The following ARHGAP10 variants were observed in gnomAD, a reference collection of about 807,000 sequenced individuals.
The protein encoded by ARHGAP10 is Rho GTPase activating protein 10.
In ARHGAP10, 87 loss-of-function variants were observed where a neutral mutation model predicts 108.6. The observed-to-expected ratio is 0.80, with a 90% CI of 0.67 to 0.96. The LOEUF is 0.96. Ranked by LOEUF, ARHGAP10 falls within the 40% of genes least tolerant of loss-of-function variation. ARHGAP10 has a pLI of 0.00. For missense variants in ARHGAP10, 939 were observed against 954.5 expected (o/e 0.98, Z 0.21); for synonymous variants, 347 against 341.1 (o/e 1.02, Z -0.19).
intron 13 of ARHGAP10, among the ~76,000 whole-genome samples, chr4:147,927,955 G>A (rs527987254): frequency 9.4e-4 from 143 of 152,300 alleles, no homozygotes; most frequent in African/African-American, 3.3e-3. Context: ...TTTCCTCTAG[G>A]CCCTGTCTCG....
intron 18 of ARHGAP10, among the ~76,000 whole-genome samples, chr4:147,990,239 AG>A (rs1337618941): frequency 1.3e-5 from 2 of 152,226 alleles, no homozygotes; most frequent in East Asian, 3.8e-4. Flanking sequence ...GCATTTAGTT[AG>A]TGATAACCAG....
intron 15 of ARHGAP10, among the ~76,000 whole-genome samples, chr4:147,953,910 C>T (rs915099123): frequency 4.0e-5 from 6 of 151,846 alleles, no homozygotes; most frequent in African/African-American, 1.4e-4. Context: ...AAAATGTCAT[C>T]TTAGTACTGC....
intron 1 of ARHGAP10, among the ~76,000 whole-genome samples, chr4:147,763,219 T>C (rs1579013216): frequency 6.6e-6 from 1 of 152,290 alleles, no homozygotes; most frequent in Non-Finnish European, 1.5e-5. Flanking sequence ...TGATAATCTG[T>C]AAGTTTAGCT....
intron 4 of ARHGAP10, among the ~76,000 whole-genome samples, chr4:147,848,455 T>A (rs1000936859): frequency 2.0e-5 from 3 of 152,248 alleles, no homozygotes; most frequent in Non-Finnish European, 4.4e-5. Flanking sequence ...TTCTGCGACC[T>A]TGACTAAGTA....
At chr4:148,060,344 A>ACTTTTTTTTTTTTTTTTTTTTTTTTTT (rs1411745355) in intron 20 of ARHGAP10, among the ~76,000 whole-genome samples, 1 of 120,844 alleles carries the variant, frequency 8.3e-6, no homozygotes, top group African/African-American at 3.0e-5. Context: ...GCTCATGTTT[A>ACTTTTTTTTTTTTTTTTTTTTTTTTTT]GTTTTTTTTT....
At chr4:147,795,683 T>A (rs1055798719) in intron 1 of ARHGAP10, among the ~76,000 whole-genome samples, 10 of 151,562 alleles carry the variant, frequency 6.6e-5, no homozygotes, top group Admixed American at 2.0e-4. Context: ...TATTTTTTAT[T>A]TTTTTAATTT....
chr4:147,752,023 C>A (rs958132705), intron 1 of ARHGAP10, among the ~76,000 whole-genome samples: 2 of 151,614 alleles, frequency 1.3e-5, no homozygotes, highest in South Asian at 2.1e-4. Flanking sequence ...GTAGCTAGGA[C>A]TATAGGCGTG....
At chr4:147,827,260 A>T (rs1380179718) in intron 3 of ARHGAP10, among the ~76,000 whole-genome samples, 1 of 151,836 alleles carries the variant, frequency 6.6e-6, no homozygotes, top group African/African-American at 2.4e-5. Context: ...AACATAACTG[A>T]TGCATTGCAG....
chr4:147,909,707 C>T (rs751215141), intron 11 of ARHGAP10, 25 bp from the exon 12 acceptor site: 1 of 1,596,898 alleles, frequency 6.3e-7, no homozygotes, highest in Admixed American at 1.7e-5. Flanking sequence ...TTAAAAAATT[C>T]TGTTTTTCCA....
chr4:148,020,545 T>G (rs971112490), intron 18 of ARHGAP10, among the ~76,000 whole-genome samples: 10 of 150,312 alleles, frequency 6.7e-5, no homozygotes, highest in African/African-American at 2.4e-4. Context: ...ATGCGTTTTT[T>G]GTTTTTTTTT....
At chr4:147,733,198 T>A (rs1435508502) in intron 1 of ARHGAP10, among the ~76,000 whole-genome samples, 1 of 152,146 alleles carries the variant, frequency 6.6e-6, no homozygotes, top group African/African-American at 2.4e-5. Flanking sequence ...AACTTCTGTC[T>A]CTTAAACTCG....
chr4:148,072,229 G>C lies in ARHGAP10; in HGVS notation c.*148G>C, dbSNP rs1016037807. On this transcript the variant is annotated 3_prime_UTR_variant, in exon 23 of 23. Transcript: ENST00000336498. The stretch of plus-strand genomic sequence containing the variant: ...ATCATCACAGTCAGCCCTGGGGGTG[G>C]GGGGTGGTGGGCAGGGATGGGACGC... 34 of 538,544 alleles carry C rather than the reference G, an allele frequency of 6.3e-5. 1 individual carries two copies. The highest frequency in any genetic ancestry group is 6.1e-4 in the African/African-American group (31 of 51,214). The allele number at this position is 538,544 out of a possible 1,614,324, so 33.4% of individuals were successfully genotyped here. A position where few individuals can be genotyped will look rare whatever the true frequency, so the allele number is the denominator to read the frequency against.
chr4:147,954,144 T>C (rs1408394489), intron 15 of ARHGAP10, among the ~76,000 whole-genome samples: 1 of 152,014 alleles, frequency 6.6e-6, no homozygotes, highest in African/African-American at 2.4e-5. Context: ...ATAAATGGCC[T>C]GTATGCACTG....
intron 14 of ARHGAP10, among the ~76,000 whole-genome samples, chr4:147,941,748 T>G (rs2126964144): frequency 6.6e-6 from 1 of 152,354 alleles, no homozygotes; most frequent in South Asian, 2.1e-4. Flanking sequence ...AGTCAAAAAC[T>G]TTGGATTTTC....
chr4:147,911,631 G>A (rs1360721515), intron 12 of ARHGAP10, among the ~76,000 whole-genome samples: 3 of 42,642 alleles, frequency 7.0e-5, no homozygotes, highest in Non-Finnish European at 1.9e-4. Context: ...CAAAGTGCTG[G>A]GATTACAGGC....
intron 18 of ARHGAP10, among the ~76,000 whole-genome samples, chr4:147,997,238 G>T (rs551387866): frequency 6.6e-6 from 1 of 152,188 alleles, no homozygotes; most frequent in Non-Finnish European, 1.5e-5. Context: ...ATCTACAAAC[G>T]TATTGCAGCA....
intron 13 of ARHGAP10, among the ~76,000 whole-genome samples, chr4:147,935,540 CTTG>C (rs2126955257): frequency 6.6e-6 from 1 of 152,286 alleles, no homozygotes; most frequent in East Asian, 1.9e-4. Context: ...ATTTCTAATA[CTTG>C]TTGATCAGAA....
chr4:148,047,015 C>A lies in ARHGAP10; in HGVS notation c.1991C>A (p.Ala664Glu). 2.5e-6 allele frequency: 4 copies of A among 1,614,164 alleles called. No homozygotes were observed. The highest frequency in any genetic ancestry group is 1.1e-5 in the South Asian group (1 of 91,084). The stretch of plus-strand genomic sequence containing the variant: ...GGACCAGACAAAAACCACCTTCTGG[C>A]AGATGGAGGGAGCTTTGGAGACTGG... ...PPGPDKNHLL[A>E]DGGSFGDWAS... The change falls in exon 20 of 23, where the codon GCA becomes GAA. Residue 664 changes from alanine (A) to glutamate (E), a missense_variant. By Grantham distance (107) the Ala-to-Glu change is moderately radical. Coordinates refer to ENST00000336498, the MANE Select transcript of ARHGAP10 (RefSeq NM_024605.4).
chr4:148,054,935 C>T (rs1440319758), intron 20 of ARHGAP10, among the ~76,000 whole-genome samples: 1 of 152,168 alleles, frequency 6.6e-6, no homozygotes, highest in East Asian at 1.9e-4. Context: ...CATTGGGTGG[C>T]AGCTGGTCGA....
Sources: allele counts gnomAD v4.1 joint callset (sites outside exome capture counted in the v4.1 genomes callset), GRCh38; gene constraint gnomAD v4.1.1; transcripts MANE v1.5; gene names NCBI Gene and HGNC (gene_info 2026-07-23, HGNC 2026-07-21).